Variants in PLS3 observed in about 807,000 individuals in gnomAD.
The protein encoded by PLS3 is plastin-3.
A neutral mutation model predicts 46.5 loss-of-function variants in PLS3; 11 were observed. That is an observed-to-expected ratio of 0.24 (90% CI 0.15 to 0.39). The LOEUF is 0.39. Among genes scored for constraint, PLS3 ranks in the 10% least tolerant of loss-of-function variants. The pLI is 1.00. For missense variants in PLS3, 308 were observed against 461.8 expected (o/e 0.67, Z 3.05); for synonymous variants, 167 against 162.2 (o/e 1.03, Z -0.22).
In PLS3 at chrX:115,639,976, GCTAATCTCTT is replaced by G. The variant is rs781992801; in HGVS notation, c.892-429_892-420del. 1.5e-3 allele frequency: 667 copies of G among 459,806 alleles called. 8 individuals are homozygous for G. In the African/African-American group the frequency reaches 0.015, roughly 10 times the overall value. 37.9% of individuals were successfully genotyped at this position (459,806 alleles called of 1,213,427 possible). On this transcript the variant is annotated intron_variant, in intron 8 of 15. Coordinates refer to ENST00000355899, the MANE Select transcript of PLS3 (RefSeq NM_005032.7). ...TACAATTAAATACATCTTTAACATA[GCTAATCTCTT>G]CTTCGTAGGTTGTGGTATATGCATT...
intron 1 of PLS3, among the ~76,000 whole-genome samples, chrX:115,600,652 TA>T (rs782436631): frequency 8.9e-6 from 1 of 112,665 alleles, no homozygotes; most frequent in South Asian, 3.7e-4. Context: ...AGAAGGTAGA[TA>T]AACTGAACCA....
At chrX:115,617,602 T>TG (rs1217321112) in intron 2 of PLS3, among the ~76,000 whole-genome samples, 1 of 111,991 alleles carries the variant, frequency 8.9e-6, no homozygotes, top group African/African-American at 3.2e-5. Context: ...CATATTGGGG[T>TG]GGGAGATACA....
chrX:115,593,953 T>TA (rs1467549028), intron 1 of PLS3, among the ~76,000 whole-genome samples: 2 of 110,536 alleles, frequency 1.8e-5, no homozygotes, highest in Admixed American at 9.7e-5. Flanking sequence ...TTTATCAAGT[T>TA]AAGTATCTAA....
At chrX:115,573,016 C>T (rs1392312772) in intron 1 of PLS3, among the ~76,000 whole-genome samples, 1 of 102,958 alleles carries the variant, frequency 9.7e-6, no homozygotes, top group Non-Finnish European at 2.0e-5. Context: ...TTGCTTGGAC[C>T]TGGGAGGCAG....
chrX:115,619,798 CA>C (rs2147510141), intron 2 of PLS3, among the ~76,000 whole-genome samples: 1 of 112,348 alleles, frequency 8.9e-6, no homozygotes, highest in East Asian at 2.8e-4. Context: ...TGCTTGAGCC[CA>C]GGAGGTTGAT....
At chrX:115,586,421 A>C (rs1556632446) in intron 1 of PLS3, among the ~76,000 whole-genome samples, 1 of 105,106 alleles carries the variant, frequency 9.5e-6, no homozygotes, top group African/African-American at 3.4e-5. Flanking sequence ...CTATAATGCC[A>C]GCACTTTGGG....
chrX:115,601,192 G>A (rs1033891059), intron 1 of PLS3, among the ~76,000 whole-genome samples: 1 of 109,942 alleles, frequency 9.1e-6, no homozygotes, highest in African/African-American at 3.3e-5. Flanking sequence ...GAAGAAGCGG[G>A]AAAATACATG....
intron 1 of PLS3, among the ~76,000 whole-genome samples, chrX:115,578,370 T>C (rs782143873): frequency 6.3e-5 from 7 of 111,903 alleles, no homozygotes; most frequent in African/African-American, 1.6e-4. Flanking sequence ...AACACTCTAG[T>C]GGAGTCATGA....
intron 1 of PLS3, among the ~76,000 whole-genome samples, chrX:115,595,856 T>C (rs2074384127): frequency 9.2e-6 from 1 of 109,053 alleles, no homozygotes; most frequent in Admixed American, 9.9e-5. Context: ...GCCCGGCTAA[T>C]TTTTGTGTTT....
intron 1 of PLS3, among the ~76,000 whole-genome samples, chrX:115,565,363 T>A (rs2074165815): frequency 9.0e-6 from 1 of 111,540 alleles, no homozygotes; most frequent in Non-Finnish European, 1.9e-5. Flanking sequence ...AAATACTAAT[T>A]ATTTTAGCAT....
chrX:115,584,466 T>C (rs1203687564), intron 1 of PLS3, among the ~76,000 whole-genome samples: 2 of 112,478 alleles, frequency 1.8e-5, no homozygotes, highest in Non-Finnish European at 3.8e-5. Context: ...TTTGCACATA[T>C]TATCTACAGC....
intron 1 of PLS3, among the ~76,000 whole-genome samples, chrX:115,585,477 G>A (rs1556632301): frequency 9.1e-6 from 1 of 110,497 alleles, no homozygotes; most frequent in Non-Finnish European, 1.9e-5. Flanking sequence ...TGCAAGCTCC[G>A]CCTCCTGGGT....
intron 8 of PLS3, among the ~76,000 whole-genome samples, chrX:115,638,141 C>T (rs782218874): frequency 4.9e-4 from 54 of 110,529 alleles, no homozygotes; most frequent in Non-Finnish European, 6.4e-4. Context: ...GATGGAGTCT[C>T]CCTCTGTCAC....
chrX:115,595,687 C>CTTTTT (rs35860715), intron 1 of PLS3, among the ~76,000 whole-genome samples: 100 of 82,918 alleles, frequency 1.2e-3, no homozygotes, highest in Non-Finnish European at 1.4e-3. Context: ...TATTTTCTTT[C>CTTTTT]TTTTTTTTTT....
chrX:115,622,119 G>T, intron 2 of PLS3, 127 bp from the exon 3 acceptor site: 1 of 528,056 alleles, frequency 1.9e-6, no homozygotes, highest in Non-Finnish European at 3.1e-6. Context: ...ACAACTTTAT[G>T]TTCCCCACAA....
rs1423315484 is a variant in PLS3, at chrX:115,568,241, T to C, written c.-9+6981T>C. 3.6e-5 allele frequency among the ~76,000 whole-genome samples: 4 copies of C among 112,012 alleles called. No homozygotes were observed. The Admixed American group carries it at 3.8e-4, about 11-fold the overall frequency. On this transcript the variant is annotated intron_variant, in intron 1 of 15. Coordinates refer to ENST00000355899, the MANE Select transcript of PLS3 (RefSeq NM_005032.7). ...GTCCCTAGAGCACATCCTATTGCTA[T>C]ACTATTCAACATGTATGAATTAATC...
At chrX:115,616,337 A>G (rs1367301469) in intron 2 of PLS3, among the ~76,000 whole-genome samples, 1 of 112,172 alleles carries the variant, frequency 8.9e-6, no homozygotes, top group Non-Finnish European at 1.9e-5. Flanking sequence ...AAATTATCCA[A>G]AATTCATTTT....
chrX:115,613,817 CATGCACTAG>C (rs1201604023), intron 2 of PLS3, among the ~76,000 whole-genome samples: 1 of 111,657 alleles, frequency 9.0e-6, no homozygotes, highest in East Asian at 2.8e-4. Flanking sequence ...TATTTTGCTT[CATGCACTAG>C]ATGCGTTCCT....
At position 115,570,753 on chromosome X, in the gene PLS3, G is replaced by T. The variant is rs186913756; in HGVS notation, c.-9+9493G>T. On this transcript the variant is annotated intron_variant, in intron 1 of 15. Coordinates refer to ENST00000355899, the MANE Select transcript of PLS3 (RefSeq NM_005032.7). The stretch of plus-strand genomic sequence containing the variant: ...TGGCAAGATTTTAGAAATTAGTGGG[G>T]TTTTTTGTGTTTTATTTAATGGTAT... Among the ~76,000 whole-genome samples the T allele has an allele frequency of 1.6e-4, 18 of 109,092 alleles. No individual in the cohort carries two copies. In the South Asian group the frequency reaches 2.4e-3, roughly 15 times the overall value. 94.7% of individuals were successfully genotyped at this position (109,092 alleles called of 115,157 possible).
Sources: gnomAD v4.1 joint callset for allele counts (sites outside exome capture counted in the v4.1 genomes callset) on GRCh38, gnomAD v4.1.1 for gene constraint, MANE v1.5 for transcripts, NCBI Gene and HGNC (gene_info 2026-07-23, HGNC 2026-07-21) for gene names.